TOX3: variants seen among roughly 807,000 people sequenced by gnomAD.
The protein encoded by TOX3 is CAG trinucleotide repeat-containing gene F9 protein.
A neutral mutation model predicts 64.3 loss-of-function variants in TOX3; 22 were observed. The observed-to-expected ratio is 0.34, with a 90% CI of 0.24 to 0.49. The LOEUF (loss-of-function observed/expected upper bound fraction) is 0.49, where lower values mean the gene tolerates loss of function less well. Among genes scored for constraint, TOX3 ranks in the 20% least tolerant of loss-of-function variants. TOX3 has a pLI of 0.99. For synonymous variants in TOX3, 291 were observed against 273.6 expected (o/e 1.06, Z -0.63); for missense variants, 661 against 714.4 (o/e 0.93, Z 0.85).
chr16:52,530,651 C>CT (rs775935969), intron 1 of TOX3, among the ~76,000 whole-genome samples: 2,755 of 145,282 alleles, frequency 0.019, 32 homozygotes, highest in Middle Eastern at 0.029. Flanking sequence ...CCTGGCCCCT[C>CT]TTTTTTTTTT....
intron 1 of TOX3, among the ~76,000 whole-genome samples, chr16:52,501,677 C>CAAA (rs1262600811): frequency 8.1e-5 from 11 of 135,344 alleles, no homozygotes; most frequent in African/African-American, 3.7e-4. Context: ...AACAAACAAA[C>CAAA]AAACAAAAAA....
At chr16:52,452,626 A>G (rs1960385778) in intron 3 of TOX3, among the ~76,000 whole-genome samples, 1 of 152,042 alleles carries the variant, frequency 6.6e-6, no homozygotes, top group Admixed American at 6.6e-5. Flanking sequence ...ATGTGTATAC[A>G]TATATAACAA....
At chr16:52,482,165 G>A (rs1567327903) in intron 1 of TOX3, among the ~76,000 whole-genome samples, 1 of 152,100 alleles carries the variant, frequency 6.6e-6, no homozygotes, top group Non-Finnish European at 1.5e-5. Flanking sequence ...ATGGAATTCA[G>A]TCAAGATGTA....
chr16:52,519,047 T>C (rs531910293), intron 1 of TOX3, among the ~76,000 whole-genome samples: 3 of 152,286 alleles, frequency 2.0e-5, no homozygotes, highest in South Asian at 2.1e-4. Context: ...TCCTTCCTCA[T>C]AGTAAGGACG....
At chr16:52,494,830 T>C (rs189208416) in intron 1 of TOX3, among the ~76,000 whole-genome samples, 2 of 152,380 alleles carry the variant, frequency 1.3e-5, no homozygotes, top group Non-Finnish European at 2.9e-5. Flanking sequence ...GAGGTTTTTT[T>C]CAGTTTGTTT....
chr16:52,480,434 C>G (rs1194842171), intron 1 of TOX3, among the ~76,000 whole-genome samples: 1 of 152,192 alleles, frequency 6.6e-6, no homozygotes, highest in Non-Finnish European at 1.5e-5. Flanking sequence ...TGAAAACAAA[C>G]TTTCAGGCCT....
intron 2 of TOX3, 22 bp from the exon 3 acceptor site, chr16:52,464,210 G>T (rs376854704): frequency 1.1e-4 from 170 of 1,480,192 alleles, no homozygotes; most frequent in Admixed American, 6.3e-4. Flanking sequence ...CAAAATACAG[G>T]TATCTTCATA....
chr16:52,524,999 T>C (rs1811226754), intron 1 of TOX3, among the ~76,000 whole-genome samples: 1 of 152,110 alleles, frequency 6.6e-6, no homozygotes, highest in African/African-American at 2.4e-5. Context: ...TTTGTTCTAT[T>C]CTGATTTCAA....
At chr16:52,509,913 C>T (rs1456214801) in intron 1 of TOX3, among the ~76,000 whole-genome samples, 1 of 151,888 alleles carries the variant, frequency 6.6e-6, no homozygotes, top group Non-Finnish European at 1.5e-5. Flanking sequence ...GTTCTCAGGC[C>T]GGTACAATAA....
intron 3 of TOX3, among the ~76,000 whole-genome samples, chr16:52,454,047 C>A (rs1960441735): frequency 6.6e-6 from 1 of 152,092 alleles, no homozygotes; most frequent in Non-Finnish European, 1.5e-5. Flanking sequence ...TCCCCAGGCC[C>A]CCAAGCTAGC....
At chr16:52,458,746 T>C (rs1960602385) in intron 3 of TOX3, among the ~76,000 whole-genome samples, 1 of 152,308 alleles carries the variant, frequency 6.6e-6, no homozygotes, top group African/African-American at 2.4e-5. Context: ...GTCAGTAGTA[T>C]GCACAGGCCA....
chr16:52,496,896 C>T (rs555510810), intron 1 of TOX3, among the ~76,000 whole-genome samples: 2 of 141,786 alleles, frequency 1.4e-5, no homozygotes, highest in South Asian at 4.6e-4. Context: ...ATATTTATAC[C>T]TATGTTATTT....
At chr16:52,484,855 T>A (rs1415566687) in intron 1 of TOX3, among the ~76,000 whole-genome samples, 2 of 152,016 alleles carry the variant, frequency 1.3e-5, no homozygotes, top group Non-Finnish European at 2.9e-5. Flanking sequence ...GAACTAAAAA[T>A]AGAGCTACCA....
chr16:52,517,978 C>T (rs1297739519), intron 1 of TOX3, among the ~76,000 whole-genome samples: 1 of 152,086 alleles, frequency 6.6e-6, no homozygotes, highest in East Asian at 1.9e-4. Flanking sequence ...ACAGGTGCCT[C>T]TACAGATGGA....
chr16:52,457,660 TTA>T (rs1192332869), intron 3 of TOX3, among the ~76,000 whole-genome samples: 3 of 152,228 alleles, frequency 2.0e-5, no homozygotes, highest in African/African-American at 4.8e-5. Context: ...AATTATTTAG[TTA>T]TGTCTTATAG....
chr16:52,487,093 C>G (rs1040743414), intron 1 of TOX3, among the ~76,000 whole-genome samples: 5 of 151,954 alleles, frequency 3.3e-5, no homozygotes, highest in African/African-American at 1.2e-4. Flanking sequence ...AAATGGAAAT[C>G]CTTGGAACAA....
intron 1 of TOX3, among the ~76,000 whole-genome samples, chr16:52,543,989 G>C (rs1177740411): frequency 1.3e-5 from 2 of 152,134 alleles, no homozygotes; most frequent in Non-Finnish European, 2.9e-5. Context: ...ACTTTCACTT[G>C]TTAAGCCTAG....
At chr16:52,440,752 C>CTT (rs60615310) in intron 6 of TOX3, among the ~76,000 whole-genome samples, 4,602 of 66,426 alleles carry the variant, frequency 0.069, 374 homozygotes, top group East Asian at 0.23. Context: ...TTCTTTCTTT[C>CTT]TTTTTTTTTT....
intron 1 of TOX3, among the ~76,000 whole-genome samples, chr16:52,522,638 G>A (rs1962635855): frequency 6.6e-6 from 1 of 152,142 alleles, no homozygotes; most frequent in African/African-American, 2.4e-5. Flanking sequence ...GGTGACAGCT[G>A]TCCCACTGGG....
Sources: allele counts gnomAD v4.1 joint callset (sites outside exome capture counted in the v4.1 genomes callset), GRCh38; gene constraint gnomAD v4.1.1; transcripts MANE v1.5; gene names NCBI Gene and HGNC (gene_info 2026-07-23, HGNC 2026-07-21).